KCTD16: variants seen among roughly 807,000 people sequenced by gnomAD.
KCTD16 encodes BTB/POZ domain-containing protein KCTD16.
In KCTD16, 13 loss-of-function variants were observed where a neutral mutation model predicts 33.2. That is an observed-to-expected ratio of 0.39 (90% CI 0.25 to 0.62). KCTD16 has a LOEUF of 0.62. Ranked by LOEUF, KCTD16 falls within the 20% of genes least tolerant of loss-of-function variation. The pLI is 0.50. For synonymous variants in KCTD16, 197 were observed against 195.3 expected (o/e 1.01, Z -0.07); for missense variants, 441 against 525.1 (o/e 0.84, Z 1.57).
At chr5:144,203,362 CA>C (rs947682043) in intron 2 of KCTD16, among the ~76,000 whole-genome samples, 1 of 151,412 alleles carries the variant, frequency 6.6e-6, no homozygotes, top group South Asian at 2.1e-4. Flanking sequence ...TTTGTTGTTT[CA>C]AAAAAAATCT....
chr5:144,350,099 A>G (rs1751378366), intron 3 of KCTD16, among the ~76,000 whole-genome samples: 1 of 152,216 alleles, frequency 6.6e-6, no homozygotes, highest in South Asian at 2.1e-4. Flanking sequence ...GGCTCGCTAC[A>G]GAATTATCCA....
At position 144,315,030 on chromosome 5, in the gene KCTD16, C is replaced by A. The variant is rs148870733; in HGVS notation, c.832+107484C>A. 1.9e-4 allele frequency among the ~76,000 whole-genome samples: 29 copies of A among 152,284 alleles called. No individual in the cohort carries two copies. In the East Asian group the frequency reaches 4.4e-3, roughly 23 times the overall value. On this transcript the variant is annotated intron_variant, in intron 3 of 3. Coordinates refer to ENST00000512467, the MANE Select transcript of KCTD16 (RefSeq NM_020768.4). ...TTGTGGCTAAGAGACAGGATCCAACCGTTGTCCTTTATTGGACTAATTGTT... is the reference window on the plus strand; with the variant it reads ...TTGTGGCTAAGAGACAGGATCCAACAGTTGTCCTTTATTGGACTAATTGTT...
rs1754729951 is a variant in KCTD16, at chr5:144,482,760, T to C, written c.*8646T>C. 6.6e-6 allele frequency: 1 copy of C among 151,830 alleles called. No individual in the cohort carries two copies. The highest frequency in any genetic ancestry group is 1.5e-5 in the Non-Finnish European group (1 of 67,864). The allele number at this position is 151,830 out of a possible 1,614,324, so 9.4% of individuals were successfully genotyped here. On this transcript the variant is annotated 3_prime_UTR_variant, in exon 4 of 4. Coordinates refer to ENST00000512467, the MANE Select transcript of KCTD16 (RefSeq NM_020768.4). ...TTATGTATAAAATTATGTATATATA[T>C]GTACATATGTGTGTACATCTATCTT...
chr5:144,345,027 G>C (rs1426156575), intron 3 of KCTD16, among the ~76,000 whole-genome samples: 1 of 151,934 alleles, frequency 6.6e-6, no homozygotes, highest in Non-Finnish European at 1.5e-5. Flanking sequence ...ATGCAGCCAT[G>C]AAAAATGATG....
At chr5:144,219,024 T>C (rs1317518271) in intron 3 of KCTD16, among the ~76,000 whole-genome samples, 1 of 152,136 alleles carries the variant, frequency 6.6e-6, no homozygotes, top group Non-Finnish European at 1.5e-5. Flanking sequence ...TTCGGTTACT[T>C]CCTATCAGGG....
At chr5:144,343,213 T>C (rs1324408494) in intron 3 of KCTD16, among the ~76,000 whole-genome samples, 4 of 152,220 alleles carry the variant, frequency 2.6e-5, no homozygotes, top group African/African-American at 9.6e-5. Context: ...GGTCCTGGAC[T>C]CTTTTTGGTT....
chr5:144,446,661 A>G (rs1434245963), intron 3 of KCTD16, among the ~76,000 whole-genome samples: 2 of 152,162 alleles, frequency 1.3e-5, no homozygotes, highest in South Asian at 2.1e-4. Context: ...TATCCATCTG[A>G]CAAAGGGCTA....
rs1561558480 is a variant in KCTD16 at position 144,299,115 on chromosome 5, TA to T, written c.832+91570del. 3.2e-3 allele frequency among the ~76,000 whole-genome samples: 51 copies of T among 16,158 alleles called. 3 individuals carry two copies. Among genetic ancestry groups the T allele is most frequent in the Non-Finnish European group, 4.9e-3 (48 of 9,844 alleles). 10.6% of individuals were successfully genotyped at this position (16,158 alleles called of 152,430 possible). A position where few individuals can be genotyped will look rare whatever the true frequency, so the allele number is the denominator to read the frequency against. On this transcript the variant is annotated intron_variant, in intron 3 of 3. Coordinates refer to ENST00000512467, the MANE Select transcript of KCTD16 (RefSeq NM_020768.4). ...CACTATGTATATATATATATATATA[TA>T]TATATATATATATATATATATATAT... is the stretch of plus-strand genomic sequence containing the variant.
intron 3 of KCTD16, among the ~76,000 whole-genome samples, chr5:144,248,120 A>G (rs1754600055): frequency 6.6e-6 from 1 of 152,272 alleles, no homozygotes; most frequent in South Asian, 2.1e-4. Flanking sequence ...GTGTCAGATA[A>G]ATAATCAAAA....
intron 2 of KCTD16, among the ~76,000 whole-genome samples, chr5:144,198,040 T>C (rs1399337002): frequency 1.3e-5 from 2 of 152,166 alleles, no homozygotes; most frequent in African/African-American, 2.4e-5. Context: ...CTCTTTGTAG[T>C]AGTGGGTTAA....
chr5:144,177,330 A>G (rs187483524), intron 2 of KCTD16, among the ~76,000 whole-genome samples: 45 of 152,344 alleles, frequency 3.0e-4, no homozygotes, highest in African/African-American at 1.1e-3. Flanking sequence ...ATGAGACTAA[A>G]GTGATGGTTT....
chr5:144,400,564 T>G (rs899254629), intron 3 of KCTD16, among the ~76,000 whole-genome samples: 14 of 152,098 alleles, frequency 9.2e-5, no homozygotes, highest in Admixed American at 8.5e-4. Context: ...TATAGAACAT[T>G]TCATGTGGAA....
chr5:144,465,189 CTCTCT>C (rs370239838), intron 3 of KCTD16, among the ~76,000 whole-genome samples: 12,126 of 112,328 alleles, frequency 0.11, 1,387 homozygotes, highest in Admixed American at 0.18. Context: ...TCTCCCCCCC[CTCTCT>C]CTCTCACTCT....
chr5:144,357,442 A>G (rs1751595901), intron 3 of KCTD16, among the ~76,000 whole-genome samples: 1 of 152,200 alleles, frequency 6.6e-6, no homozygotes, highest in Admixed American at 6.5e-5. Context: ...CTTTCTTGAA[A>G]TCTGGAGTCT....
At chr5:144,372,483 A>G (rs1475009929) in intron 3 of KCTD16, among the ~76,000 whole-genome samples, 2 of 152,202 alleles carry the variant, frequency 1.3e-5, no homozygotes, top group Admixed American at 6.5e-5. Context: ...TGCCAATTCC[A>G]TAAGCTGGTA....
chr5:144,441,967 A>C (rs1753721725), intron 3 of KCTD16, among the ~76,000 whole-genome samples: 3 of 152,036 alleles, frequency 2.0e-5, no homozygotes, highest in Admixed American at 2.0e-4. Context: ...CGAACATTTC[A>C]ACATTTTAAA....
At chr5:144,256,052 G>T (rs1754837197) in intron 3 of KCTD16, among the ~76,000 whole-genome samples, 1 of 152,176 alleles carries the variant, frequency 6.6e-6, no homozygotes, top group African/African-American at 2.4e-5. Context: ...CTCAAAAATT[G>T]TACCAGGATG....
chr5:144,250,829 T>C (rs1561543074), intron 3 of KCTD16, among the ~76,000 whole-genome samples: 1 of 152,198 alleles, frequency 6.6e-6, no homozygotes, highest in East Asian at 1.9e-4. Context: ...GGGCTAACAA[T>C]ATCTATATGT....
chr5:144,374,048 T>C (rs950444270), intron 3 of KCTD16, among the ~76,000 whole-genome samples: 3 of 152,234 alleles, frequency 2.0e-5, no homozygotes, highest in East Asian at 1.9e-4. Context: ...TATGATTATA[T>C]TGACAGCCCA....
Sources: allele counts gnomAD v4.1 joint callset (sites outside exome capture counted in the v4.1 genomes callset), GRCh38; gene constraint gnomAD v4.1.1; transcripts MANE v1.5; gene names NCBI Gene and HGNC (gene_info 2026-07-23, HGNC 2026-07-21).